SMARCD1: variants seen among roughly 807,000 people sequenced by gnomAD.
SMARCD1 encodes SWI/SNF-related matrix-associated actin-dependent regulator of chromatin subfamily D member 1.
Under a neutral mutation model 70.8 loss-of-function variants are expected in SMARCD1, and 16 were observed. The observed-to-expected ratio is 0.23, with a 90% confidence interval of 0.15 to 0.34. SMARCD1 has a LOEUF of 0.34. SMARCD1 is among the 10% of genes least tolerant of loss of function. The pLI is 1.00. For synonymous variants in SMARCD1, 249 were observed against 246.0 expected (o/e 1.01, Z -0.11); for missense variants, 409 against 655.5 (o/e 0.62, Z 4.11).
At chr12:50,098,561 A>G in intron 11 of SMARCD1, 153 bp from the exon 12 acceptor site, 3 of 629,886 alleles carry the variant, frequency 4.8e-6, no homozygotes, top group East Asian at 2.7e-5. Flanking sequence ...TAGAGACCCT[A>G]TTTCCAAATA....
At chr12:50,086,406 TG>T in intron 2 of SMARCD1, 58 bp downstream of exon 2, 1 of 1,412,146 alleles carries the variant, frequency 7.1e-7, no homozygotes, top group Non-Finnish European at 9.7e-7. Flanking sequence ...ACACAGGTGG[TG>T]GGAGTACCTG....
intron 11 of SMARCD1, among the ~76,000 whole-genome samples, chr12:50,097,731 A>C (rs1215944868): frequency 6.6e-6 from 1 of 151,504 alleles, no homozygotes; most frequent in Admixed American, 6.6e-5. Context: ...ATCTCTACTA[A>C]AATAAAAAAA....
chr12:50,087,341 A>G (rs775506791), intron 4 of SMARCD1, 22 bp from the exon 5 acceptor site: 1 of 1,612,464 alleles, frequency 6.2e-7, no homozygotes, highest in Non-Finnish European at 8.5e-7. Context: ...CCCACGATCA[A>G]TCCTGTTTCT....
rs1349417787 is a variant in SMARCD1, at chr12:50,088,614, G to A, written c.748G>A (p.Gly250Arg). 2 of 1,599,474 alleles carry A rather than the reference G, an allele frequency of 1.3e-6. No individual in the cohort carries two copies. The highest frequency in any genetic ancestry group is 1.7e-4 in the Middle Eastern group (1 of 6,044). Reference protein sequence around the residue: ...LVIELDKDLYGPDNHLVEWHR... With the variant: ...LVIELDKDLYRPDNHLVEWHR... ...GATTGAACTGGACAAAGACCTGTAT[G>A]GGCCAGACAACCATCTGGTAGAAGT... is the stretch of plus-strand genomic sequence containing the variant. The change falls in exon 6 of 13, where the codon GGG becomes AGG. Residue 250 changes from glycine to arginine, a missense_variant. Physicochemically the swap from Gly to Arg is moderately radical, Grantham distance 125. Transcript: ENST00000394963.
rs1592285242 is a variant in SMARCD1 at position 50,085,359 on chromosome 12, G to A, written c.-11G>A. 3 of 1,263,224 alleles carry A rather than the reference G, an allele frequency of 2.4e-6. No homozygotes were observed. The highest frequency in any genetic ancestry group is 3.0e-6 in the Non-Finnish European group (3 of 1,006,364). 78.3% of individuals were successfully genotyped at this position (1,263,224 alleles called of 1,614,324 possible). ...GGTTCTTTGTGCGGCTGCATCGGCG[G>A]CTCCGGGAAGATGGCGGCCCGGGCG... On this transcript the variant is annotated 5_prime_UTR_variant, in exon 1 of 13. Transcript: ENST00000394963.
Position 50,086,328 on chromosome 12 carries a change from G to T in SMARCD1, c.345G>T (p.Ala115=), listed in dbSNP as rs748214544. ...AGATCCAGCAGGTCCAGCAGCAGGC[G>T]GTCCAAAATCGAAACCACAAGTAAG... The part of the protein sequence containing the change: ...PQQIQQVQQQ[A]VQNRNHNAKK... The change falls in exon 2 of 13, where the codon GCG becomes GCT. Residue 115 remains alanine, a synonymous_variant. Coordinates refer to ENST00000394963, the MANE Select transcript of SMARCD1 (RefSeq NM_003076.5). 5.6e-6 allele frequency: 9 copies of T among 1,598,582 alleles called. No homozygotes were observed. In the South Asian group the frequency reaches 7.8e-5, roughly 14 times the overall value.
chr12:50,087,904 T>C (rs1277270239), intron 5 of SMARCD1, among the ~76,000 whole-genome samples: 3 of 152,172 alleles, frequency 2.0e-5, no homozygotes, highest in Admixed American at 6.5e-5. Flanking sequence ...AGATTTCTCT[T>C]GACAGGCTCT....
chr12:50,090,126 C>G (rs1326965983), intron 7 of SMARCD1, 115 bp from the exon 8 acceptor site: 11 of 1,341,336 alleles, frequency 8.2e-6, no homozygotes, highest in Non-Finnish European at 1.0e-5. Context: ...TGAGTTCTTC[C>G]TAGAATTTTT....
At chr12:50,095,074 A>G (rs550955166) in intron 10 of SMARCD1, among the ~76,000 whole-genome samples, 1 of 152,368 alleles carries the variant, frequency 6.6e-6, no homozygotes, top group Admixed American at 6.5e-5. Context: ...CTGGGATTAC[A>G]GGCGTGAGCC....
chr12:50,095,499 G>A (rs1208027786), intron 10 of SMARCD1, among the ~76,000 whole-genome samples: 1 of 152,008 alleles, frequency 6.6e-6, no homozygotes, highest in African/African-American at 2.4e-5. Flanking sequence ...GCTAATTTTT[G>A]TATTTTTAGT....
rs768064899 is a variant in SMARCD1, at chr12:50,086,614, C to T, written c.366-7C>T. On this transcript the variant is annotated splice_region_variant and splice_polypyrimidine_tract_variant and intron_variant, in intron 2 of 12. Transcript: ENST00000394963. ...CCCAACCTGATAATAGTATTTATTC[C>T]CAACAGTGCAAAGAAAAAGAAGATG... 1.2e-6 allele frequency: 2 copies of T among 1,613,574 alleles called. No homozygotes were observed. The highest frequency in any genetic ancestry group is 8.5e-7 in the Non-Finnish European group (1 of 1,179,574).
chr12:50,097,788 G>A (rs1165644769), intron 11 of SMARCD1, among the ~76,000 whole-genome samples: 1 of 151,566 alleles, frequency 6.6e-6, no homozygotes, highest in Non-Finnish European at 1.5e-5. Context: ...CTACCCAGGA[G>A]GCTGAGGCAG....
chr12:50,086,055 C>G, intron 1 of SMARCD1, 106 bp from the exon 2 acceptor site: 1 of 857,428 alleles, frequency 1.2e-6, no homozygotes. Context: ...CCATTCCATC[C>G]CTAAACCTTA....
In SMARCD1 at chr12:50,096,948, T is replaced by G; in HGVS notation, c.1368T>G (p.Leu456=). 2 of 1,614,000 alleles carry G rather than the reference T, an allele frequency of 1.2e-6. No homozygotes were observed. The highest frequency in any genetic ancestry group is 1.7e-6 in the Non-Finnish European group (2 of 1,179,874). The change falls in exon 11 of 13, where the codon CTT becomes CTG. Residue 456 remains leucine (L), a synonymous_variant. Coordinates refer to ENST00000394963, the MANE Select transcript of SMARCD1 (RefSeq NM_003076.5). ...RDPQGFINDW[L]QSQCRDLKTM... ...CTCAGGGTTTCATCAATGACTGGCT[T>G]CAGTCCCAGTGCAGGGACCTCAAGG...
chr12:50,097,963 C>T (rs539762653), intron 11 of SMARCD1, among the ~76,000 whole-genome samples: 1 of 150,712 alleles, frequency 6.6e-6, no homozygotes, highest in African/African-American at 2.4e-5. Context: ...TAAGGGAGAT[C>T]AGTGAGACTA....
chr12:50,096,559 T>G, intron 10 of SMARCD1: 1 of 273,038 alleles, frequency 3.7e-6, no homozygotes, highest in Non-Finnish European at 7.1e-6. Context: ...TTGGACCCAT[T>G]TGTGCTGTGG....
At chr12:50,098,865 C>T (rs764498216) in intron 12 of SMARCD1, 50 bp downstream of exon 12, 7 of 1,599,302 alleles carry the variant, frequency 4.4e-6, no homozygotes, top group Middle Eastern at 1.7e-4. Flanking sequence ...ACGGGGTTTT[C>T]ACCCCTGATG....
Position 50,090,485 on chromosome 12 carries a change from T to C in SMARCD1, c.1036-8T>C. The C allele has an allele frequency of 6.2e-7, 1 of 1,614,000 alleles. No homozygotes were observed. Among genetic ancestry groups the C allele is most frequent in the East Asian group, 2.2e-5 (1 of 44,890 alleles). ...CTGCTAACCTCGTGCTTCTCCCCTT[T>C]GCTACAGATCTTTGAGTCTCAACGT... is the stretch of plus-strand genomic sequence containing the variant. On this transcript the variant is annotated splice_polypyrimidine_tract_variant and splice_region_variant and intron_variant, in intron 8 of 12. Coordinates refer to ENST00000394963, the MANE Select transcript of SMARCD1 (RefSeq NM_003076.5).
In SMARCD1 at chr12:50,087,440, G is replaced by A. The variant is rs150581614; in HGVS notation, c.609G>A (p.Thr203=). The A allele has an allele frequency of 7.1e-4, 1,154 of 1,614,072 alleles. 1 individual carries two copies. Among genetic ancestry groups the A allele is most frequent in the Non-Finnish European group, 8.8e-4 (1,038 of 1,179,946 alleles). The change falls in exon 5 of 13, where the codon ACG becomes ACA. Residue 203 remains threonine, a synonymous_variant. Transcript: ENST00000394963. The stretch of plus-strand genomic sequence containing the variant: ...CAGATGCCGAGGATGGGGAAGGGAC[G>A]GTGGCTTCCTGGGAGCTTCGGGTAG... ...AKSDAEDGEG[T]VASWELRVEG... is the part of the protein sequence containing the mutation.
Sources: gnomAD v4.1 joint callset for allele counts (sites outside exome capture counted in the v4.1 genomes callset) on GRCh38, gnomAD v4.1.1 for gene constraint, MANE v1.5 for transcripts, NCBI Gene and HGNC (gene_info 2026-07-23, HGNC 2026-07-21) for gene names.